The following CFAP54 variants were observed in gnomAD, a reference collection of about 807,000 sequenced individuals.
CFAP54 encodes the protein cilia- and flagella-associated protein 54.
Under a neutral mutation model 370.4 loss-of-function variants are expected in CFAP54, and 290 were observed. The ratio of observed to expected loss-of-function variants is 0.78; its 90% CI spans 0.71 to 0.86. CFAP54 has a LOEUF of 0.86. Among genes scored for constraint, CFAP54 ranks in the 40% least tolerant of loss-of-function variants. The pLI, the probability that CFAP54 is intolerant of heterozygous loss-of-function variation, is 0.00. For missense variants in CFAP54, 3,399 were observed against 3,528.7 expected, an observed-to-expected ratio of 0.96 and a Z score of 0.93; for synonymous variants, 1,206 against 1,236.5, an observed-to-expected ratio of 0.98 and a Z score of 0.52.
In CFAP54 at chr12:96,728,777, T is replaced by C. The variant is rs539043868; in HGVS notation, c.6965+8212T>C. 3.0e-4 allele frequency among the ~76,000 whole-genome samples: 46 copies of C among 152,310 alleles called. 1 individual carries two copies. Among genetic ancestry groups the C allele is most frequent in the African/African-American group, 1.1e-3 (44 of 41,566 alleles). On this transcript the variant is annotated intron_variant, in intron 50 of 67. Transcript: ENST00000524981. ...TCTGCTTTTTAGAGTTTCCAGTTTTTCTGCTCTGTTTTTTCCCCATCTTTA... is the reference window on the plus strand; with the variant it reads ...TCTGCTTTTTAGAGTTTCCAGTTTTCCTGCTCTGTTTTTTCCCCATCTTTA...
At chr12:96,803,126 C>T (rs567728791) in intron 63 of CFAP54, among the ~76,000 whole-genome samples, 6 of 152,110 alleles carry the variant, frequency 3.9e-5, no homozygotes, top group South Asian at 2.1e-4. Flanking sequence ...TAAATAGTGC[C>T]GCAATAAACA....
At position 96,527,288 on chromosome 12, in the gene CFAP54, A is replaced by T. The variant is rs1344140412; in HGVS notation, c.1201A>T (p.Met401Leu). The change falls in exon 9 of 68, where the codon ATG becomes TTG. Residue 401 changes from methionine to leucine, a missense_variant. Met to Leu is a conservative substitution (Grantham distance 15, BLOSUM62 2). Transcript: ENST00000524981. ...RTVTERLLDEMFDSTASQFLA... is the reference protein window; with the variant it reads ...RTVTERLLDELFDSTASQFLA... ...TGTCACAGAGCGGCTACTGGATGAG[A>T]TGTTTGATAGCACTGCATCCCAGTT... 2 of 1,532,922 alleles carry T rather than the reference A, an allele frequency of 1.3e-6. No individual in the cohort carries two copies. The highest frequency in any genetic ancestry group is 2.4e-5 in the East Asian group (1 of 40,854). The allele number at this position is 1,532,922 out of a possible 1,614,324, so 95.0% of individuals were successfully genotyped here.
At position 96,535,616 on chromosome 12, in the gene CFAP54, T is replaced by A. The variant is rs1955494091; in HGVS notation, c.1791+16T>A. 6.6e-7 allele frequency: 1 copy of A among 1,508,128 alleles called. No homozygotes were observed. 93.4% of individuals were successfully genotyped at this position (1,508,128 alleles called of 1,614,324 possible). A position where few individuals can be genotyped will look rare whatever the true frequency, so the allele number is the denominator to read the frequency against. ...TGCTCCCCAGGTGAAATAGCTATTT[T>A]AAATAATTTTTATTAGTGTGGAAGG... On this transcript the variant is annotated intron_variant, in intron 12 of 67. Transcript: ENST00000524981.
intron 17 of CFAP54, among the ~76,000 whole-genome samples, chr12:96,560,746 C>T (rs1281913244): frequency 6.6e-6 from 1 of 152,042 alleles, no homozygotes; most frequent in African/African-American, 2.4e-5. Context: ...TGTAAATGTC[C>T]CTCTCCCCTT....
chr12:96,803,316 C>T (rs977713441), intron 63 of CFAP54, among the ~76,000 whole-genome samples: 1 of 152,112 alleles, frequency 6.6e-6, no homozygotes, highest in African/African-American at 2.4e-5. Context: ...GTTTCTATTT[C>T]TCCACAGCCT....
At position 96,658,257 on chromosome 12, in the gene CFAP54, C is replaced by T. The variant is rs374474287; in HGVS notation, c.5371C>T (p.Arg1791Cys). ...GACACCACTTCTGGTGTATGCACAGCGCCAGCTTCTGCTGAGAATACAGAA... is the reference window on the plus strand; with the variant it reads ...GACACCACTTCTGGTGTATGCACAGTGCCAGCTTCTGCTGAGAATACAGAA... Reference protein sequence around the residue: ...QVTPLLVYAQRQLLLRIQKFK... With the variant: ...QVTPLLVYAQCQLLLRIQKFK... Residue 1791 changes from arginine (R) to cysteine (C), a missense_variant, in exon 38 of 68, where the codon CGC becomes TGC. Physicochemically the swap from Arg to Cys is radical, Grantham distance 180. Transcript: ENST00000524981. 7.4e-6 allele frequency: 12 copies of T among 1,613,890 alleles called. No individual in the cohort carries two copies. The highest frequency in any genetic ancestry group is 3.3e-5 in the Admixed American group (2 of 59,998).
At chr12:96,693,204 C>A (rs1957404303) in intron 44 of CFAP54, among the ~76,000 whole-genome samples, 1 of 152,120 alleles carries the variant, frequency 6.6e-6, no homozygotes, top group Non-Finnish European at 1.5e-5. Context: ...CGGTGCCTAA[C>A]ACATAATAGG....
chr12:96,504,440 A>G (rs188323047), intron 3 of CFAP54, among the ~76,000 whole-genome samples: 12 of 152,346 alleles, frequency 7.9e-5, no homozygotes, highest in Non-Finnish European at 1.6e-4. Flanking sequence ...GATATAAAAT[A>G]TTTATACTTT....
chr12:96,753,442 T>G (rs1283440540), intron 55 of CFAP54, among the ~76,000 whole-genome samples: 1 of 152,220 alleles, frequency 6.6e-6, no homozygotes, highest in Non-Finnish European at 1.5e-5. Context: ...GCATGAAAGT[T>G]GTTCTGTAGA....
chr12:96,514,584 T>C (rs1955210213), intron 5 of CFAP54, among the ~76,000 whole-genome samples: 1 of 152,250 alleles, frequency 6.6e-6, no homozygotes, highest in Non-Finnish European at 1.5e-5. Flanking sequence ...AGGACCATCA[T>C]AGTTTGGTCT....
intron 66 of CFAP54, among the ~76,000 whole-genome samples, chr12:96,848,100 G>T (rs563156329): frequency 6.6e-6 from 1 of 151,866 alleles, no homozygotes; most frequent in Non-Finnish European, 1.5e-5. Flanking sequence ...TTTTTGAGAC[G>T]GTGTCTTGCT....
At chr12:96,772,817 A>G (rs1034486492) in intron 60 of CFAP54, among the ~76,000 whole-genome samples, 1 of 152,046 alleles carries the variant, frequency 6.6e-6, no homozygotes, top group Non-Finnish European at 1.5e-5. Context: ...ACAGGGTTTC[A>G]CCATGTTGGC....
Position 96,765,229 on chromosome 12 carries a change from A to T in CFAP54, c.8281+11A>T, listed in dbSNP as rs972694371. On this transcript the variant is annotated intron_variant, in intron 60 of 67. Coordinates refer to ENST00000524981, the MANE Select transcript of CFAP54 (RefSeq NM_001306084.2). ...CAGATTATTTGCTTGGTATGTTTGG[A>T]TGTCTACATATTATGCAAAAAAACT... The T allele has an allele frequency of 1.4e-6, 2 of 1,472,380 alleles. No individual in the cohort carries two copies. The highest frequency in any genetic ancestry group is 9.2e-7 in the Non-Finnish European group (1 of 1,092,868). The allele number at this position is 1,472,380 out of a possible 1,614,324, so 91.2% of individuals were successfully genotyped here.
rs181055071 is a variant in CFAP54 at position 96,558,330 on chromosome 12, C to T, written c.2410+3528C>T. The stretch of plus-strand genomic sequence containing the variant: ...ACAAGAGAAAGAAAGAAAGGGCATC[C>T]ACATTGGAAAGTCAGATTATCCTTG... On this transcript the variant is annotated intron_variant, in intron 17 of 67. Coordinates refer to ENST00000524981, the MANE Select transcript of CFAP54 (RefSeq NM_001306084.2). Among the ~76,000 whole-genome samples the T allele has an allele frequency of 2.6e-3, 399 of 152,148 alleles. 1 individual carries two copies. Among genetic ancestry groups the T allele is most frequent in the African/African-American group, 9.2e-3 (380 of 41,512 alleles).
chr12:96,570,301 T>C (rs1955903010), intron 19 of CFAP54, among the ~76,000 whole-genome samples: 1 of 148,890 alleles, frequency 6.7e-6, no homozygotes, highest in South Asian at 2.2e-4. Context: ...TGTGCTCAAG[T>C]CTTTTTTTCT....
intron 38 of CFAP54, among the ~76,000 whole-genome samples, chr12:96,663,182 C>T (rs1480169830): frequency 1.3e-5 from 2 of 152,090 alleles, no homozygotes; most frequent in Non-Finnish European, 2.9e-5. Context: ...ATTTACTTCT[C>T]ATTATAAAAG....
intron 15 of CFAP54, among the ~76,000 whole-genome samples, chr12:96,551,434 A>G (rs528439385): frequency 6.6e-6 from 1 of 151,372 alleles, no homozygotes; most frequent in East Asian, 1.9e-4. Context: ...TTGAATTTAC[A>G]CTACTTGGGT....
intron 50 of CFAP54, among the ~76,000 whole-genome samples, chr12:96,731,287 T>C (rs1429645499): frequency 1.3e-5 from 2 of 152,214 alleles, no homozygotes; most frequent in African/African-American, 2.4e-5. Context: ...CTTGGATATA[T>C]ATTTTTAACA....
At position 96,825,614 on chromosome 12, in the gene CFAP54, GATATA is replaced by G. The variant is rs533188980; in HGVS notation, c.9097-3394_9097-3390del. 7.6e-3 allele frequency among the ~76,000 whole-genome samples: 869 copies of G among 115,066 alleles called. 24 individuals are homozygous for G. In the East Asian group the frequency reaches 0.1, roughly 13 times the overall value. 75.5% of individuals were successfully genotyped at this position (115,066 alleles called of 152,430 possible). ...CATATATTATTTACATATTATATAT[GATATA>G]ATATATAATATATATCACCCTATTG... On this transcript the variant is annotated intron_variant, in intron 65 of 67. Transcript: ENST00000524981.
Sources: allele counts gnomAD v4.1 joint callset (sites outside exome capture counted in the v4.1 genomes callset), GRCh38; gene constraint gnomAD v4.1.1; transcripts MANE v1.5; gene names NCBI Gene and HGNC (gene_info 2026-07-23, HGNC 2026-07-21).